CD44: variants seen among roughly 807,000 people sequenced by gnomAD.
CD44 encodes CD44 molecule (IN blood group), also known as CD44 antigen.
A neutral mutation model predicts 88.8 loss-of-function variants in CD44; 49 were observed. The ratio of observed to expected loss-of-function variants is 0.55; its 90% confidence interval spans 0.44 to 0.70. The LOEUF (loss-of-function observed/expected upper bound fraction) is 0.70. CD44 is among the 30% of genes least tolerant of loss of function. The probability of loss-of-function intolerance (pLI) is 0.00; values close to 1 mark genes in which losing one functional copy is unlikely to be tolerated. For missense variants in CD44, 883 were observed against 913.8 expected (o/e 0.97, Z 0.43); for synonymous variants, 325 against 312.3 (o/e 1.04, Z -0.43).
chr11:35,187,998 C>G (rs562418387), intron 4 of CD44, among the ~76,000 whole-genome samples: 2 of 152,312 alleles, frequency 1.3e-5, no homozygotes, highest in African/African-American at 4.8e-5. Context: ...AGCCACCATG[C>G]CTGGCCTATT....
At chr11:35,214,469 T>G (rs1447764800) in intron 14 of CD44, among the ~76,000 whole-genome samples, 1 of 152,198 alleles carries the variant, frequency 6.6e-6, no homozygotes, top group African/African-American at 2.4e-5. Flanking sequence ...CATATTGTCC[T>G]TATTTAAAAT....
chr11:35,139,915 TTCCAAAGCTTACAG>T (rs1162918642), intron 1 of CD44, among the ~76,000 whole-genome samples: 9 of 152,248 alleles, frequency 5.9e-5, no homozygotes. Context: ...CTGAGCCTTG[TTCCAAAGCTTACAG>T]TCCGCAGTGT....
chr11:35,225,158 T>C lies in CD44; in HGVS notation c.2024+3426T>C, dbSNP rs554984028. ...GAAGTGAATTTTTAATTTCATTTCATTGTAATTAGTTTAAATTCAAATAGC... is the reference window on the plus strand; with the variant it reads ...GAAGTGAATTTTTAATTTCATTTCACTGTAATTAGTTTAAATTCAAATAGC... On this transcript the variant is annotated intron_variant, in intron 17 of 17. Coordinates refer to ENST00000428726, the MANE Select transcript of CD44 (RefSeq NM_000610.4). 3.2e-5 allele frequency among the ~76,000 whole-genome samples: 4 copies of C among 124,162 alleles called. No homozygotes were observed. In the South Asian group the frequency reaches 7.0e-4, roughly 22 times the overall value. 81.5% of individuals were successfully genotyped at this position (124,162 alleles called of 152,430 possible).
chr11:35,214,060 T>C (rs1023029795), intron 14 of CD44: 3 of 152,084 alleles, frequency 2.0e-5, no homozygotes, highest in African/African-American at 4.8e-5. Flanking sequence ...AGTTTTAATA[T>C]GCTGCATTCA....
chr11:35,150,293 A>G (rs968506985), intron 1 of CD44, among the ~76,000 whole-genome samples: 1 of 152,148 alleles, frequency 6.6e-6, no homozygotes. Flanking sequence ...ATCTAGGGGA[A>G]AAAAAGCTAG....
chr11:35,201,673 G>A lies in CD44; in HGVS notation c.1039G>A (p.Val347Ile). The A allele has an allele frequency of 6.2e-7, 1 of 1,613,700 alleles. No individual in the cohort carries two copies. Among genetic ancestry groups the A allele is most frequent in the Non-Finnish European group, 8.5e-7 (1 of 1,179,680 alleles). The change falls in exon 9 of 18, where the codon GTA becomes ATA. Residue 347 changes from valine (V) to isoleucine (I), a missense_variant and splice_region_variant. Transcript: ENST00000428726. ...GTATTTAACCATCATCACAGCAGAT[G>A]TAGACAGAAATGGCACCACTGCTTA... Reference protein sequence around the residue: ...LLQTTTRMTDVDRNGTTAYEG... With the variant: ...LLQTTTRMTDIDRNGTTAYEG...
intron 1 of CD44, among the ~76,000 whole-genome samples, chr11:35,167,323 A>C (rs531970467): frequency 6.6e-6 from 1 of 151,964 alleles, no homozygotes; most frequent in East Asian, 1.9e-4. Context: ...TTGCTGGAGG[A>C]CCATACTCGG....
At chr11:35,205,671 A>C (rs1361545673) in intron 10 of CD44, 1 of 328,006 alleles carries the variant, frequency 3.0e-6, no homozygotes, top group Non-Finnish European at 4.4e-6. Context: ...TCACATGGAA[A>C]GCTGTTACCT....
chr11:35,154,524 T>C (rs2785190), intron 1 of CD44, among the ~76,000 whole-genome samples: 33,319 of 152,190 alleles, frequency 0.22, 3,721 homozygotes, highest in African/African-American at 0.26. Context: ...TAGAAATATT[T>C]AAAAATTAGT....
chr11:35,220,474 T>A (rs72916161), intron 16 of CD44, among the ~76,000 whole-genome samples: 2 of 152,222 alleles, frequency 1.3e-5, no homozygotes, highest in Non-Finnish European at 2.9e-5. Flanking sequence ...AAACCAAAAT[T>A]TCCAAGAAGA....
chr11:35,141,743 C>A (rs946409199), intron 1 of CD44, among the ~76,000 whole-genome samples: 1 of 152,170 alleles, frequency 6.6e-6, no homozygotes, highest in African/African-American at 2.4e-5. Flanking sequence ...GTGCCAGTAG[C>A]AATAACTGCC....
At chr11:35,181,921 T>TTATATATAAAATATATTATATATTA (rs371328712) in intron 3 of CD44, among the ~76,000 whole-genome samples, 3 of 68,216 alleles carry the variant, frequency 4.4e-5, no homozygotes, top group African/African-American at 1.3e-4. Context: ...ATATTATATA[T>TTATATATAAAATATATTATATATTA]TATATTATAT....
chr11:35,174,601 G>A (rs1363813472), intron 1 of CD44, among the ~76,000 whole-genome samples: 2 of 152,148 alleles, frequency 1.3e-5, no homozygotes, highest in African/African-American at 4.8e-5. Context: ...AAGTAGAAGA[G>A]GATGATTTCT....
chr11:35,172,404 C>T (rs541558980), intron 1 of CD44, among the ~76,000 whole-genome samples: 1 of 152,276 alleles, frequency 6.6e-6, no homozygotes, highest in East Asian at 1.9e-4. Flanking sequence ...AAAGTTTGCT[C>T]AACTTTAATT....
chr11:35,181,861 TTATA>T (rs753285506), intron 3 of CD44, among the ~76,000 whole-genome samples: 9 of 84,478 alleles, frequency 1.1e-4, no homozygotes, highest in East Asian at 8.2e-4. Flanking sequence ...ATATATAAAT[TTATA>T]TATATATATT....
chr11:35,223,400 C>T, intron 17 of CD44: 1 of 485,714 alleles, frequency 2.1e-6, no homozygotes, highest in Non-Finnish European at 2.7e-6. Context: ...AAGCTTTGCA[C>T]ATGTCACCAT....
chr11:35,182,537 C>A (rs767467111), intron 3 of CD44, among the ~76,000 whole-genome samples: 2 of 152,134 alleles, frequency 1.3e-5, no homozygotes, highest in East Asian at 3.8e-4. Flanking sequence ...AAGTAGTACA[C>A]GACTCATACA....
At chr11:35,224,282 A>G (rs997540627) in intron 17 of CD44, among the ~76,000 whole-genome samples, 2 of 152,160 alleles carry the variant, frequency 1.3e-5, no homozygotes, top group African/African-American at 4.8e-5. Context: ...ATCATCCAAA[A>G]CAGCTTTCTT....
chr11:35,209,618 CT>C (rs1948210448), intron 12 of CD44, among the ~76,000 whole-genome samples: 3 of 152,046 alleles, frequency 2.0e-5, no homozygotes. Flanking sequence ...TTCAAATATT[CT>C]TTTTTCCATG....
Sources: gnomAD v4.1 joint callset for allele counts (sites outside exome capture counted in the v4.1 genomes callset) on GRCh38, gnomAD v4.1.1 for gene constraint, MANE v1.5 for transcripts, NCBI Gene and HGNC (gene_info 2026-07-23, HGNC 2026-07-21) for gene names.